Variants in UNC5D observed in about 807,000 individuals in gnomAD.
UNC5D encodes the protein unc-5 netrin receptor D.
A neutral mutation model predicts 105.4 loss-of-function variants in UNC5D; 39 were observed. The observed-to-expected ratio is 0.37, with a 90% CI of 0.29 to 0.48. UNC5D has a LOEUF of 0.48. UNC5D is among the 20% of genes least tolerant of loss of function. UNC5D has a pLI of 0.98. For missense variants in UNC5D, 991 were observed against 1,202.4 expected (o/e 0.82, Z 2.60); for synonymous variants, 452 against 450.4 (o/e 1.00, Z -0.04).
intron 8 of UNC5D, among the ~76,000 whole-genome samples, chr8:35,720,588 G>A (rs554751835): frequency 1.3e-5 from 2 of 152,196 alleles, no homozygotes; most frequent in Non-Finnish European, 2.9e-5. Flanking sequence ...AGGGAAGGTG[G>A]GAGCTTAAGA....
intron 1 of UNC5D, among the ~76,000 whole-genome samples, chr8:35,309,237 T>A (rs1808682513): frequency 1.3e-5 from 2 of 152,140 alleles, no homozygotes; most frequent in Non-Finnish European, 2.9e-5. Flanking sequence ...TGACTCAGAT[T>A]AATAACAGTG....
intron 4 of UNC5D, among the ~76,000 whole-genome samples, chr8:35,633,945 G>T (rs1822203168): frequency 1.3e-5 from 2 of 152,170 alleles, no homozygotes; most frequent in South Asian, 4.1e-4. Flanking sequence ...TATAATCTTG[G>T]CAAGAAGCCG....
intron 16 of UNC5D, among the ~76,000 whole-genome samples, chr8:35,780,032 C>T (rs1802430941): frequency 6.6e-6 from 1 of 152,056 alleles, no homozygotes; most frequent in Non-Finnish European, 1.5e-5. Context: ...GGAAGAGATC[C>T]ATGAGATATG....
At chr8:35,484,455 T>C (rs546285998) in intron 1 of UNC5D, among the ~76,000 whole-genome samples, 215 of 152,288 alleles carry the variant, frequency 1.4e-3, no homozygotes, top group Non-Finnish European at 2.4e-3. Context: ...TCTCCATGCC[T>C]AACCAGTCTC....
chr8:35,283,372 A>G (rs555152296), intron 1 of UNC5D, among the ~76,000 whole-genome samples: 2 of 152,268 alleles, frequency 1.3e-5, no homozygotes, highest in South Asian at 4.1e-4. Flanking sequence ...GGAAGGTGAA[A>G]CATTAAAGAA....
At chr8:35,518,452 T>C (rs1348815866) in intron 1 of UNC5D, among the ~76,000 whole-genome samples, 1 of 152,230 alleles carries the variant, frequency 6.6e-6, no homozygotes, top group Non-Finnish European at 1.5e-5. Flanking sequence ...TGCAACATTT[T>C]TTTATGCAAC....
chr8:35,710,753 G>A (rs1024531729), intron 8 of UNC5D, among the ~76,000 whole-genome samples: 1 of 152,032 alleles, frequency 6.6e-6, no homozygotes, highest in Non-Finnish European at 1.5e-5. Flanking sequence ...CCAAATGAAA[G>A]GAAAATGGTG....
chr8:35,309,260 G>A (rs9297236), intron 1 of UNC5D, among the ~76,000 whole-genome samples: 69,704 of 151,912 alleles, frequency 0.46, 16,488 homozygotes, highest in East Asian at 0.7. Context: ...ACCAAAAGTC[G>A]TATATTTGCA....
chr8:35,392,510 T>A (rs1387674604), intron 1 of UNC5D, among the ~76,000 whole-genome samples: 2 of 152,196 alleles, frequency 1.3e-5, no homozygotes, highest in Non-Finnish European at 2.9e-5. Context: ...TGATCCACCA[T>A]GCCTGGCCCC....
intron 1 of UNC5D, among the ~76,000 whole-genome samples, chr8:35,293,580 C>T (rs531112600): frequency 6.6e-6 from 1 of 152,302 alleles, no homozygotes; most frequent in East Asian, 1.9e-4. Context: ...TCTTGAAACC[C>T]TTTCCCCCAA....
rs1262044482 is a variant in UNC5D at position 35,235,690 on chromosome 8, C to T, written c.-95C>T. On this transcript the variant is annotated 5_prime_UTR_variant, in exon 1 of 17. Transcript: ENST00000404895. ...GGAGCAGAGTCACTCTCTGAAGACT[C>T]CCGAGACCCATTCGACTCGGGACCC... is the stretch of plus-strand genomic sequence containing the variant. 5.3e-6 allele frequency: 5 copies of T among 952,158 alleles called. No homozygotes were observed. 59.0% of individuals were successfully genotyped at this position (952,158 alleles called of 1,614,324 possible). A position where few individuals can be genotyped will look rare whatever the true frequency, so the allele number is the denominator to read the frequency against.
intron 1 of UNC5D, among the ~76,000 whole-genome samples, chr8:35,460,923 C>T (rs1808841771): frequency 6.6e-6 from 1 of 152,196 alleles, no homozygotes; most frequent in Non-Finnish European, 1.5e-5. Context: ...ATCCAGTGGT[C>T]TATTTGGAAA....
intron 7 of UNC5D, among the ~76,000 whole-genome samples, chr8:35,703,380 T>C (rs1586480918): frequency 1.3e-5 from 2 of 152,318 alleles, no homozygotes; most frequent in East Asian, 3.9e-4. Flanking sequence ...GTGAGAATAC[T>C]GAGGACACAC....
intron 1 of UNC5D, among the ~76,000 whole-genome samples, chr8:35,308,904 G>A (rs1808651172): frequency 6.6e-6 from 1 of 152,088 alleles, no homozygotes; most frequent in South Asian, 2.1e-4. Context: ...GTCTTTAACA[G>A]GGAAGAATCA....
chr8:35,451,340 G>A (rs1808140768), intron 1 of UNC5D, among the ~76,000 whole-genome samples: 1 of 152,120 alleles, frequency 6.6e-6, no homozygotes, highest in African/African-American at 2.4e-5. Flanking sequence ...ACTGCACCTG[G>A]CCCTATAGTA....
chr8:35,574,019 T>A (rs944414156), intron 3 of UNC5D, among the ~76,000 whole-genome samples: 1 of 152,230 alleles, frequency 6.6e-6, no homozygotes, highest in Non-Finnish European at 1.5e-5. Flanking sequence ...TCTGGTTCAA[T>A]AGAGCCAGAG....
chr8:35,571,679 A>G (rs940993714), intron 3 of UNC5D, among the ~76,000 whole-genome samples: 2 of 152,198 alleles, frequency 1.3e-5, no homozygotes, highest in Non-Finnish European at 2.9e-5. Flanking sequence ...TGCTATTTGT[A>G]AGCACTTTCC....
In UNC5D at chr8:35,726,461, C is replaced by G. The variant is rs1828879598; in HGVS notation, c.1613C>G (p.Thr538Arg). ...PYIQNLSSLP[T>R]RTELRTTGVF... Reference sequence around the variant, plus strand: ...ATCCAAAATCTGTCATCACTCCCCACAAGGACAGAACTGAGGACAACTGGT... The same window carrying G: ...ATCCAAAATCTGTCATCACTCCCCAGAAGGACAGAACTGAGGACAACTGGT... The change falls in exon 10 of 17, where the codon ACA becomes AGA. Residue 538 changes from threonine (T) to arginine (R), a missense_variant. Coordinates refer to ENST00000404895, the MANE Select transcript of UNC5D (RefSeq NM_080872.4). 1 of 1,613,996 alleles carries G rather than the reference C, an allele frequency of 6.2e-7. No individual in the cohort carries two copies. Among genetic ancestry groups the G allele is most frequent in the Admixed American group, 1.7e-5 (1 of 60,006 alleles).
intron 16 of UNC5D, among the ~76,000 whole-genome samples, chr8:35,787,714 C>G (rs756870270): frequency 6.6e-6 from 1 of 152,082 alleles, no homozygotes; most frequent in East Asian, 1.9e-4. Flanking sequence ...AACTCCTGGG[C>G]TTATGTGATC....
Sources: gnomAD v4.1 joint callset for allele counts (sites outside exome capture counted in the v4.1 genomes callset) on GRCh38, gnomAD v4.1.1 for gene constraint, MANE v1.5 for transcripts, NCBI Gene and HGNC (gene_info 2026-07-23, HGNC 2026-07-21) for gene names.